The following GARNL3 variants were observed in gnomAD, a reference collection of about 807,000 sequenced individuals.
The protein encoded by GARNL3 is GTPase-activating Rap/Ran-GAP domain-like protein 3.
A neutral mutation model predicts 125.0 loss-of-function variants in GARNL3; 63 were observed. The observed-to-expected ratio is 0.50, with a 90% CI of 0.41 to 0.62. The LOEUF is 0.62. Ranked by LOEUF, GARNL3 falls within the 20% of genes least tolerant of loss-of-function variation. The pLI, the probability that GARNL3 is intolerant of heterozygous loss-of-function variation, is 0.00. For missense variants in GARNL3, 994 were observed against 1,244.0 expected (o/e 0.80, Z 3.02); for synonymous variants, 439 against 457.5 (o/e 0.96, Z 0.52).
At chr9:127,329,053 T>C (rs1207570648) in intron 7 of GARNL3, among the ~76,000 whole-genome samples, 1 of 152,206 alleles carries the variant, frequency 6.6e-6, no homozygotes, top group Non-Finnish European at 1.5e-5. Context: ...GACAGTCCAC[T>C]TGCACCAGAT....
At chr9:127,304,684 C>T (rs928848844) in intron 2 of GARNL3, among the ~76,000 whole-genome samples, 5 of 151,758 alleles carry the variant, frequency 3.3e-5, no homozygotes, top group African/African-American at 1.2e-4. Context: ...TACAGGCATG[C>T]GCCACCACAC....
At chr9:127,320,009 G>T (rs1178693776) in intron 5 of GARNL3, among the ~76,000 whole-genome samples, 4 of 152,128 alleles carry the variant, frequency 2.6e-5, no homozygotes, top group Admixed American at 2.0e-4. Context: ...AACTTAAAAG[G>T]AAATTAAAAT....
chr9:127,324,801 C>A (rs928097517), intron 6 of GARNL3, among the ~76,000 whole-genome samples: 1 of 152,146 alleles, frequency 6.6e-6, no homozygotes, highest in Non-Finnish European at 1.5e-5. Context: ...GTTAAGAATG[C>A]GACAGCAGGG....
intron 20 of GARNL3, chr9:127,356,513 T>C (rs1045597234): frequency 2.0e-5 from 3 of 152,262 alleles, no homozygotes; most frequent in Non-Finnish European, 4.4e-5. Flanking sequence ...AAGGTATTTT[T>C]TGCTTAGAGT....
chr9:127,231,245 T>TTG (rs1357960897), intron 1 of GARNL3, among the ~76,000 whole-genome samples: 6 of 140,680 alleles, frequency 4.3e-5, no homozygotes, highest in African/African-American at 1.1e-4. Context: ...TTTTTTTTTT[T>TTG]GTATTTTTAG....
At chr9:127,351,432 T>G (rs1032931708) in intron 17 of GARNL3, among the ~76,000 whole-genome samples, 6 of 152,244 alleles carry the variant, frequency 3.9e-5, no homozygotes, top group African/African-American at 1.4e-4. Context: ...AACTAGTTTT[T>G]TCATGTCCTT....
At chr9:127,259,559 G>A (rs1000140784), upstream of GARNL3, among the ~76,000 whole-genome samples, 2 of 152,194 alleles carry the variant, frequency 1.3e-5, no homozygotes, top group African/African-American at 4.8e-5. Flanking sequence ...AGGAGATGTA[G>A]TGCTGAAGCA....
Position 127,339,597 on chromosome 9 carries a change from C to A in GARNL3, c.1029-48C>A, listed in dbSNP as rs778891752. On this transcript the variant is annotated intron_variant, in intron 12 of 27. Transcript: ENST00000373387. ...GTGGCGATTTGGGTGGGGACACAGC[C>A]AAACCATATCAAGTGCTAATATTAA... 52 of 1,388,650 alleles carry A rather than the reference C, an allele frequency of 3.7e-5. No individual in the cohort carries two copies. The South Asian group carries it at 5.6e-4, about 15-fold the overall frequency. 86.0% of individuals were successfully genotyped at this position (1,388,650 alleles called of 1,614,324 possible). A position where few individuals can be genotyped will look rare whatever the true frequency, so the allele number is the denominator to read the frequency against.
At chr9:127,372,471 T>G (rs2131759596) in intron 22 of GARNL3, among the ~76,000 whole-genome samples, 1 of 152,378 alleles carries the variant, frequency 6.6e-6, no homozygotes, top group South Asian at 2.1e-4. Flanking sequence ...ATATCTGACT[T>G]GTACAAAATA....
In GARNL3 at chr9:127,311,736, G is replaced by T. The variant is rs1485396675; in HGVS notation, c.319+1G>T. The T allele has an allele frequency of 1.3e-6, 2 of 1,583,362 alleles. No individual in the cohort carries two copies. Among genetic ancestry groups the T allele is most frequent in the East Asian group, 2.2e-5 (1 of 44,754 alleles). On this transcript the variant is annotated splice_donor_variant, in intron 3 of 27. Transcript: ENST00000373387. LOFTEE classifies it high-confidence loss of function. The stretch of plus-strand genomic sequence containing the variant: ...TATTTCAAATATTTTTTAGGACAAG[G>T]TAATTATGCTATTGTGGTGGTAGGG...
At chr9:127,267,186 A>G (rs962319951) in intron 1 of GARNL3, among the ~76,000 whole-genome samples, 3 of 152,136 alleles carry the variant, frequency 2.0e-5, no homozygotes, top group East Asian at 1.9e-4. Flanking sequence ...ACGTTCTTCA[A>G]TCCATTTGTT....
At chr9:127,288,612 A>G (rs2131361373) in intron 1 of GARNL3, among the ~76,000 whole-genome samples, 1 of 152,314 alleles carries the variant, frequency 6.6e-6, no homozygotes, top group African/African-American at 2.4e-5. Context: ...TATGGATTTC[A>G]TGAGTTCAAA....
chr9:127,315,662 A>AT (rs1381615615), intron 4 of GARNL3, among the ~76,000 whole-genome samples: 3 of 151,642 alleles, frequency 2.0e-5, no homozygotes, highest in Non-Finnish European at 2.9e-5. Context: ...AGTAAGAAAG[A>AT]TAAAAAAAAA....
At chr9:127,228,263 T>A (rs1474814434) in intron 1 of GARNL3, among the ~76,000 whole-genome samples, 1 of 152,246 alleles carries the variant, frequency 6.6e-6, no homozygotes, top group Non-Finnish European at 1.5e-5. Context: ...CATGTGCATT[T>A]GTTTAGCTAT....
intron 26 of GARNL3, among the ~76,000 whole-genome samples, chr9:127,389,998 G>C (rs953866672): frequency 4.6e-5 from 7 of 151,070 alleles, no homozygotes; most frequent in Admixed American, 1.3e-4. Context: ...GTGTGAAAAG[G>C]TTAGACTGTT....
rs2131600540 is a variant in GARNL3, at chr9:127,339,673, C to G, written c.1057C>G (p.Pro353Ala). 6.2e-7 allele frequency: 1 copy of G among 1,613,012 alleles called. No individual in the cohort carries two copies. The highest frequency in any genetic ancestry group is 2.2e-5 in the East Asian group (1 of 44,870). ...GAAAATATTTTCAGAAGAGAGCGTACCACTCTTTGGCCCTCCCTTGCCAAC... is the reference window on the plus strand; with the variant it reads ...GAAAATATTTTCAGAAGAGAGCGTAGCACTCTTTGGCCCTCCCTTGCCAAC... Reference protein sequence around the residue: ...RLKIFSEESVPLFGPPLPTPP... With the variant: ...RLKIFSEESVALFGPPLPTPP... Residue 353 changes from proline to alanine, a missense_variant, in exon 13 of 28, where the codon CCA becomes GCA. Physicochemically the swap from Pro to Ala is conservative, Grantham distance 27. Transcript: ENST00000373387.
At chr9:127,254,337 G>A (rs2063458260) in intron 2 of GARNL3, among the ~76,000 whole-genome samples, 1 of 151,956 alleles carries the variant, frequency 6.6e-6, no homozygotes, top group South Asian at 2.1e-4. Flanking sequence ...AGACCATAAA[G>A]GAAAAGATTG....
intron 2 of GARNL3, among the ~76,000 whole-genome samples, chr9:127,299,856 T>C (rs945084024): frequency 1.3e-5 from 2 of 152,062 alleles, no homozygotes; most frequent in Admixed American, 6.6e-5. Context: ...TGAGCCACCG[T>C]GCCCAGCCAA....
Position 127,385,033 on chromosome 9 carries a change from C to G in GARNL3, c.2276C>G (p.Ala759Gly), listed in dbSNP as rs1182078880. 1 of 1,606,364 alleles carries G rather than the reference C, an allele frequency of 6.2e-7. No individual in the cohort carries two copies. The highest frequency in any genetic ancestry group is 8.5e-7 in the Non-Finnish European group (1 of 1,175,244). Residue 759 changes from alanine (A) to glycine (G), a missense_variant, in exon 24 of 28, where the codon GCT (alanine) becomes GGT (glycine). Physicochemically the swap from Ala to Gly is moderately conservative, Grantham distance 60 (BLOSUM62 0). Coordinates refer to ENST00000373387, the MANE Select transcript of GARNL3 (RefSeq NM_032293.5). This position sits in a 1 kb window ranked among gnomAD's most constrained non-coding sequence, Gnocchi z 4.1. Reference protein sequence around the residue: ...WNQAPYAIVCAFPYLLAFTTD... With the variant: ...WNQAPYAIVCGFPYLLAFTTD... ...CACTCCCGTTCCCTTGCAGTCTGTGCTTTCCCGTATCTCCTGGCCTTCACC... is the reference window on the plus strand; with the variant it reads ...CACTCCCGTTCCCTTGCAGTCTGTGGTTTCCCGTATCTCCTGGCCTTCACC...
Sources: gnomAD v4.1 joint callset for allele counts (sites outside exome capture counted in the v4.1 genomes callset) on GRCh38, gnomAD v4.1.1 for gene constraint, Gnocchi (gnomAD v3.1) non-coding constraint, MANE v1.5 for transcripts, NCBI Gene and HGNC (gene_info 2026-07-23, HGNC 2026-07-21) for gene names.